Variants in DRC11 observed in about 807,000 individuals in gnomAD.
DRC11 encodes the protein dynein regulatory complex subunit 11.
chr2:236,437,826 T>C, the DRC11 span, among the ~76,000 whole-genome samples: 1 of 151,760 alleles, frequency 6.6e-6, no homozygotes, highest in African/African-American at 2.4e-5. Context: ...GAGTTCATTG[T>C]AGATTCTGGA....
the DRC11 span, among the ~76,000 whole-genome samples, chr2:236,352,518 G>C: frequency 6.6e-6 from 1 of 152,104 alleles, no homozygotes; most frequent in Non-Finnish European, 1.5e-5. The surrounding 1 kb of genome is among the most constrained non-coding windows in gnomAD (Gnocchi z 7.0). Context: ...AAGAAATGTT[G>C]GCAGGCGCAT....
the DRC11 span, among the ~76,000 whole-genome samples, chr2:236,338,781 T>C: frequency 1.3e-5 from 2 of 152,208 alleles, no homozygotes; most frequent in Admixed American, 1.3e-4. Flanking sequence ...GCTGGAACAA[T>C]GAAGAGCCCA....
At chr2:236,496,151 C>T in the DRC11 span, among the ~76,000 whole-genome samples, 852 of 152,208 alleles carry the variant, frequency 5.6e-3, 1 homozygote, top group Non-Finnish European at 9.0e-3. This position sits in a 1 kb window ranked among gnomAD's most constrained non-coding sequence, Gnocchi z 6.3. Flanking sequence ...GAGTAAAGTG[C>T]ACCAGATTAA....
At chr2:236,329,152 C>T in the DRC11 span, among the ~76,000 whole-genome samples, 4 of 152,206 alleles carry the variant, frequency 2.6e-5, no homozygotes, top group Non-Finnish European at 4.4e-5. Context: ...ACTCCCTCTT[C>T]GGCTTTTCAT....
the DRC11 span, among the ~76,000 whole-genome samples, chr2:236,479,345 T>C: frequency 1.3e-5 from 2 of 152,204 alleles, no homozygotes; most frequent in Non-Finnish European, 2.9e-5. The surrounding 1 kb of genome is among the most constrained non-coding windows in gnomAD (Gnocchi z 4.1). Context: ...TTACATAAAA[T>C]GTTATTTTTG....
At chr2:236,419,053 C>T in the DRC11 span, 11 of 1,430,840 alleles carry the variant, frequency 7.7e-6, 1 homozygote, top group African/African-American at 1.4e-4. The surrounding 1 kb of genome is among the most constrained non-coding windows in gnomAD (Gnocchi z 4.8). Flanking sequence ...CGGCTGCACT[C>T]CCAACAGATT....
chr2:236,444,830 T>C, the DRC11 span, among the ~76,000 whole-genome samples: 552 of 152,354 alleles, frequency 3.6e-3, 3 homozygotes, highest in African/African-American at 0.012. Context: ...GGATTCTAGA[T>C]GCAGTGATGG....
chr2:236,469,161 C>T, the DRC11 span, among the ~76,000 whole-genome samples: 4,774 of 152,240 alleles, frequency 0.031, 236 homozygotes, highest in East Asian at 0.18. This position sits in a 1 kb window ranked among gnomAD's most constrained non-coding sequence, Gnocchi z 5.8. Context: ...ATTCCTGTAC[C>T]GCGTTTCTTT....
At chr2:236,392,959 G>A in the DRC11 span, among the ~76,000 whole-genome samples, 1 of 152,150 alleles carries the variant, frequency 6.6e-6, no homozygotes, top group East Asian at 1.9e-4. This position sits in a 1 kb window ranked among gnomAD's most constrained non-coding sequence, Gnocchi z 5.1. Context: ...TGGACCTGGA[G>A]AAACATGACC....
the DRC11 span, chr2:236,465,434 G>T: frequency 1.5e-6 from 2 of 1,317,222 alleles, no homozygotes; most frequent in Non-Finnish European, 2.2e-6. The surrounding 1 kb of genome is among the most constrained non-coding windows in gnomAD (Gnocchi z 6.2). Flanking sequence ...ATGCTTCTGT[G>T]CTTAAAAACA....
At chr2:236,396,291 T>C in the DRC11 span, among the ~76,000 whole-genome samples, 1 of 58,270 alleles carries the variant, frequency 1.7e-5, no homozygotes, top group Non-Finnish European at 3.1e-5. Context: ...GGGGGGGCAA[T>C]GAAAGAGGGG....
chr2:236,364,008 T>G, the DRC11 span: 1 of 1,586,622 alleles, frequency 6.3e-7, no homozygotes, highest in Non-Finnish European at 8.6e-7. Context: ...AAGGTGCTAA[T>G]GTTCTGCCAA....
chr2:236,352,244 T>C, the DRC11 span, among the ~76,000 whole-genome samples: 1 of 151,930 alleles, frequency 6.6e-6, no homozygotes, highest in Non-Finnish European at 1.5e-5. This position sits in a 1 kb window ranked among gnomAD's most constrained non-coding sequence, Gnocchi z 7.0. Context: ...AGTTTGGTAA[T>C]GAGGAGGTCA....
chr2:236,504,108 C>T, the DRC11 span, among the ~76,000 whole-genome samples: 1 of 152,064 alleles, frequency 6.6e-6, no homozygotes, highest in Admixed American at 6.5e-5. This position sits in a 1 kb window ranked among gnomAD's most constrained non-coding sequence, Gnocchi z 5.0. Context: ...TCCCCATTCC[C>T]CACTCCTCCC....
At chr2:236,342,999 A>G in the DRC11 span, among the ~76,000 whole-genome samples, 35 of 152,302 alleles carry the variant, frequency 2.3e-4, no homozygotes, top group African/African-American at 7.9e-4. The surrounding 1 kb of genome is among the most constrained non-coding windows in gnomAD (Gnocchi z 5.8). Flanking sequence ...CTACAGGGAC[A>G]AAGCTAGGCA....
chr2:236,368,350 C>A, the DRC11 span: 1 of 1,108,026 alleles, frequency 9.0e-7, no homozygotes, highest in South Asian at 1.4e-5. Context: ...CAGCGCTGGT[C>A]TGAGCTGCAT....
chr2:236,372,806 T>A, the DRC11 span, among the ~76,000 whole-genome samples: 1 of 151,994 alleles, frequency 6.6e-6, no homozygotes, highest in Admixed American at 6.6e-5. This position sits in a 1 kb window ranked among gnomAD's most constrained non-coding sequence, Gnocchi z 4.5. Flanking sequence ...AGAAAAAGGG[T>A]CTTGCTATGT....
At chr2:236,326,792 T>TTGTGTGTGTG in the DRC11 span, among the ~76,000 whole-genome samples, 4 of 144,084 alleles carry the variant, frequency 2.8e-5, no homozygotes, top group South Asian at 4.7e-4. Context: ...TTCAGATTTG[T>TTGTGTGTGTG]TGTGTGTGTG....
the DRC11 span, among the ~76,000 whole-genome samples, chr2:236,346,045 G>A: frequency 1.3e-5 from 2 of 152,188 alleles, no homozygotes; most frequent in African/African-American, 2.4e-5. Flanking sequence ...CGCCTGGGCC[G>A]GCTGCATTCC....
Sources: gnomAD v4.1 joint callset for allele counts (sites outside exome capture counted in the v4.1 genomes callset) on GRCh38, gnomAD v4.1.1 for gene constraint, Gnocchi (gnomAD v3.1) non-coding constraint, MANE v1.5 for transcripts, NCBI Gene and HGNC (gene_info 2026-07-23, HGNC 2026-07-21) for gene names.